The following KHDRBS2 variants were observed in gnomAD, a reference collection of about 807,000 sequenced individuals.
The protein encoded by KHDRBS2 is KH RNA binding domain containing, signal transduction associated 2, also known as KH domain-containing, RNA-binding, signal transduction-associated protein 2.
Under a neutral mutation model 44.3 loss-of-function variants are expected in KHDRBS2, and 26 were observed. That is an observed-to-expected ratio of 0.59 (90% CI 0.43 to 0.81). The LOEUF (loss-of-function observed/expected upper bound fraction) is 0.81. Among genes scored for constraint, KHDRBS2 ranks in the 40% least tolerant of loss-of-function variants. KHDRBS2 has a pLI of 0.00. For missense variants in KHDRBS2, 476 were observed against 433.1 expected, an observed-to-expected ratio of 1.10 and a Z score of -0.88; for synonymous variants, 194 against 151.1, an observed-to-expected ratio of 1.28 and a Z score of -2.08.
At chr6:61,562,369 A>T in the KHDRBS2 span, among the ~76,000 whole-genome samples, 761 of 152,208 alleles carry the variant, frequency 5.0e-3, 7 homozygotes, top group Non-Finnish European at 7.5e-3. Context: ...GGATCTTCTC[A>T]CAGGGTGGTC....
chr6:62,051,375 T>A (rs984752527), intron 2 of KHDRBS2, among the ~76,000 whole-genome samples: 4 of 152,170 alleles, frequency 2.6e-5, no homozygotes, highest in Non-Finnish European at 4.4e-5. Context: ...GGTTATTTTT[T>A]GCATATGATA....
intron 2 of KHDRBS2, among the ~76,000 whole-genome samples, chr6:62,060,206 G>T (rs1454616203): frequency 1.2e-4 from 18 of 151,714 alleles, no homozygotes; most frequent in Admixed American, 1.1e-3. Context: ...AAAATATTCA[G>T]GCACTTATTG....
At chr6:61,919,638 A>G (rs1340894130) in intron 4 of KHDRBS2, among the ~76,000 whole-genome samples, 1 of 151,834 alleles carries the variant, frequency 6.6e-6, no homozygotes, top group Non-Finnish European at 1.5e-5. Flanking sequence ...TCCTTCTAAC[A>G]GGTATTATTT....
intron 4 of KHDRBS2, among the ~76,000 whole-genome samples, chr6:61,906,561 TCCTGGTCTCTGGTAA>T (rs1221950041): frequency 6.6e-6 from 1 of 152,126 alleles, no homozygotes; most frequent in African/African-American, 2.4e-5. Flanking sequence ...CCACTATTCT[TCCTGGTCTCTGGTAA>T]CCATCATTCT....
chr6:61,583,877 G>A, the KHDRBS2 span, among the ~76,000 whole-genome samples: 1 of 148,844 alleles, frequency 6.7e-6, no homozygotes, highest in African/African-American at 2.5e-5. Context: ...CTTTTTAAGT[G>A]AACTATAAAA....
At chr6:62,170,696 C>T (rs556753328) in intron 2 of KHDRBS2, among the ~76,000 whole-genome samples, 1 of 152,106 alleles carries the variant, frequency 6.6e-6, no homozygotes, top group Non-Finnish European at 1.5e-5. Context: ...AGTACTTTGG[C>T]TGGCACTCCC....
chr6:62,112,020 C>A (rs540632456), intron 2 of KHDRBS2, among the ~76,000 whole-genome samples: 53 of 152,206 alleles, frequency 3.5e-4, no homozygotes, highest in Admixed American at 7.2e-4. Flanking sequence ...ATGAACCATA[C>A]TTTGAGAACT....
At position 62,105,802 on chromosome 6, in the gene KHDRBS2, T is replaced by C. The variant is rs1433279321; in HGVS notation, c.220-57808A>G. Among the ~76,000 whole-genome samples the C allele has an allele frequency of 7.9e-5, 12 of 151,148 alleles. No individual in the cohort carries two copies. In the East Asian group the frequency reaches 1.9e-3, roughly 24 times the overall value. On this transcript the variant is annotated intron_variant, in intron 2 of 8. Coordinates refer to ENST00000281156, the MANE Select transcript of KHDRBS2 (RefSeq NM_152688.4). The stretch of plus-strand genomic sequence containing the variant: ...TTCAGTTCTGCTCTGATTTTAGTTA[T>C]TTTTTGCCTTCTGCTAGCTTTTGAA...
chr6:61,711,480 A>G (rs1280253379), intron 7 of KHDRBS2, among the ~76,000 whole-genome samples: 2 of 151,874 alleles, frequency 1.3e-5, no homozygotes, highest in Non-Finnish European at 2.9e-5. Flanking sequence ...TAAAAAAATC[A>G]ATTGTGAAAA....
At chr6:62,187,719 G>A (rs545073295) in intron 1 of KHDRBS2, among the ~76,000 whole-genome samples, 9 of 152,020 alleles carry the variant, frequency 5.9e-5, no homozygotes, top group Non-Finnish European at 1.0e-4. Context: ...GGGAGGGGAC[G>A]TTGTTTGCTC....
intron 6 of KHDRBS2, among the ~76,000 whole-genome samples, chr6:61,830,071 A>G (rs1299780209): frequency 3.3e-5 from 5 of 152,210 alleles, no homozygotes; most frequent in African/African-American, 1.2e-4. Flanking sequence ...TGCTGAATAT[A>G]GATGATAGTC....
chr6:62,222,523 C>T (rs1264892004), intron 1 of KHDRBS2, among the ~76,000 whole-genome samples: 2 of 151,998 alleles, frequency 1.3e-5, no homozygotes, highest in Non-Finnish European at 2.9e-5. Flanking sequence ...TGGGAACTGC[C>T]CTCATGATTC....
At chr6:61,556,263 C>T in the KHDRBS2 span, among the ~76,000 whole-genome samples, 3 of 152,126 alleles carry the variant, frequency 2.0e-5, no homozygotes, top group South Asian at 2.1e-4. Context: ...CTACTGGTGG[C>T]CATGCGTGCA....
intron 6 of KHDRBS2, among the ~76,000 whole-genome samples, chr6:61,748,026 T>G (rs55781131): frequency 0.028 from 4,299 of 152,302 alleles, 223 homozygotes; most frequent in African/African-American, 0.099. Context: ...AGTCTCACAC[T>G]GTTGCCTGAG....
the KHDRBS2 span, among the ~76,000 whole-genome samples, chr6:61,641,304 G>T: frequency 1.3e-5 from 2 of 152,112 alleles, no homozygotes; most frequent in Non-Finnish European, 2.9e-5. Context: ...GCTCACCATT[G>T]CCTATTAAAT....
intron 1 of KHDRBS2, among the ~76,000 whole-genome samples, chr6:62,193,500 G>A (rs1240284556): frequency 6.6e-6 from 1 of 152,028 alleles, no homozygotes; most frequent in Admixed American, 6.6e-5. Flanking sequence ...TGTAATTTAA[G>A]GGCTTGATAT....
intron 8 of KHDRBS2, among the ~76,000 whole-genome samples, chr6:61,684,635 TAA>T (rs1478369045): frequency 6.6e-6 from 1 of 151,792 alleles, no homozygotes; most frequent in Non-Finnish European, 1.5e-5. Flanking sequence ...AATGATAAAA[TAA>T]GTAAGATTCT....
At chr6:62,122,060 G>A (rs1487007184) in intron 2 of KHDRBS2, among the ~76,000 whole-genome samples, 1 of 152,048 alleles carries the variant, frequency 6.6e-6, no homozygotes, top group Non-Finnish European at 1.5e-5. Flanking sequence ...CTAGTGACCC[G>A]AAATGTTGCC....
At chr6:62,036,871 A>C (rs1424407197) in intron 3 of KHDRBS2, among the ~76,000 whole-genome samples, 1 of 152,022 alleles carries the variant, frequency 6.6e-6, no homozygotes, top group Non-Finnish European at 1.5e-5. Context: ...GCCAGCTTTA[A>C]GATTGCATAA....
Sources: allele counts gnomAD v4.1 joint callset (sites outside exome capture counted in the v4.1 genomes callset), GRCh38; gene constraint gnomAD v4.1.1; transcripts MANE v1.5; gene names NCBI Gene and HGNC (gene_info 2026-07-23, HGNC 2026-07-21).